Variants in SLC35F1 observed in about 807,000 individuals in gnomAD.
SLC35F1 encodes solute carrier family 35 member F1.
SLC35F1 carries 14 observed loss-of-function variants against 48.7 expected under a neutral mutation model. The ratio of observed to expected loss-of-function variants is 0.29; its 90% CI spans 0.19 to 0.45. The LOEUF is 0.45. Among genes scored for constraint, SLC35F1 ranks in the 20% least tolerant of loss-of-function variants. SLC35F1 has a pLI of 1.00. For synonymous variants in SLC35F1, 190 were observed against 202.2 expected (o/e 0.94, Z 0.51); for missense variants, 404 against 500.0 (o/e 0.81, Z 1.83).
At chr6:118,208,782 C>T (rs1021232662) in intron 2 of SLC35F1, among the ~76,000 whole-genome samples, 3 of 152,130 alleles carry the variant, frequency 2.0e-5, no homozygotes, top group Non-Finnish European at 4.4e-5. Flanking sequence ...GGCGCTGTGG[C>T]ATGCTGAGTA....
intron 1 of SLC35F1, among the ~76,000 whole-genome samples, chr6:118,117,783 C>T (rs926852880): frequency 3.3e-5 from 5 of 152,250 alleles, no homozygotes; most frequent in African/African-American, 1.2e-4. Context: ...CTGCATCTGT[C>T]ACTATAGTTT....
intron 1 of SLC35F1, among the ~76,000 whole-genome samples, chr6:118,143,646 T>G (rs74806547): frequency 0.028 from 4,295 of 152,302 alleles, 209 homozygotes; most frequent in African/African-American, 0.098. Context: ...AGTTTTTTTC[T>G]AAATGTATCA....
intron 7 of SLC35F1, among the ~76,000 whole-genome samples, chr6:118,286,024 C>T (rs978734487): frequency 1.3e-5 from 2 of 152,176 alleles, no homozygotes; most frequent in African/African-American, 4.8e-5. Context: ...TCCTACTCCT[C>T]TTAACACCAC....
intron 2 of SLC35F1, among the ~76,000 whole-genome samples, chr6:118,192,524 G>A (rs1012651765): frequency 2.0e-5 from 3 of 152,092 alleles, no homozygotes; most frequent in Non-Finnish European, 4.4e-5. Context: ...TTAGCATTAA[G>A]CAGTTAACTG....
At chr6:117,950,383 C>T (rs912068456) in intron 1 of SLC35F1, among the ~76,000 whole-genome samples, 1 of 152,150 alleles carries the variant, frequency 6.6e-6, no homozygotes. Flanking sequence ...GGCTGGACTC[C>T]AGAGACACAG....
At chr6:118,270,316 G>A (rs1375060577) in intron 4 of SLC35F1, among the ~76,000 whole-genome samples, 1 of 152,108 alleles carries the variant, frequency 6.6e-6, no homozygotes, top group Non-Finnish European at 1.5e-5. Context: ...TTCTTAGATG[G>A]CATTAAGTAC....
chr6:118,102,584 T>A (rs1053041799), intron 1 of SLC35F1, among the ~76,000 whole-genome samples: 18 of 152,242 alleles, frequency 1.2e-4, no homozygotes, highest in Admixed American at 2.0e-4. Flanking sequence ...TGTCTGTGGA[T>A]GCTAAGTGAC....
intron 1 of SLC35F1, among the ~76,000 whole-genome samples, chr6:118,001,689 A>G (rs9481756): frequency 0.99 from 151,107 of 152,010 alleles, 75,109 homozygotes; most frequent in Middle Eastern, 1. Context: ...GAAAATTTTC[A>G]CATCCTACTT....
intron 1 of SLC35F1, among the ~76,000 whole-genome samples, chr6:117,966,131 G>GGCCC (rs1184701438): frequency 9.9e-6 from 1 of 101,102 alleles, no homozygotes. Flanking sequence ...GCAGGCCACC[G>GGCCC]CCCCCCCCCC....
chr6:118,099,612 A>G (rs1773228445), intron 1 of SLC35F1, among the ~76,000 whole-genome samples: 1 of 152,066 alleles, frequency 6.6e-6, no homozygotes, highest in Non-Finnish European at 1.5e-5. Context: ...CTCTCATCTA[A>G]ATAGAGTCAG....
intron 1 of SLC35F1, among the ~76,000 whole-genome samples, chr6:117,980,890 T>C (rs1021685517): frequency 6.6e-6 from 1 of 152,056 alleles, no homozygotes; most frequent in African/African-American, 2.4e-5. Context: ...ATGTTTAGAG[T>C]TATCCTGTGG....
chr6:118,194,057 A>G (rs940525243), intron 2 of SLC35F1, among the ~76,000 whole-genome samples: 2 of 152,208 alleles, frequency 1.3e-5, no homozygotes, highest in African/African-American at 4.8e-5. Context: ...GCTCTTTTAT[A>G]TGAACATCAC....
chr6:118,277,929 AG>A (rs966763132), intron 6 of SLC35F1, among the ~76,000 whole-genome samples: 6 of 152,230 alleles, frequency 3.9e-5, no homozygotes, highest in African/African-American at 1.4e-4. Flanking sequence ...ACTTTAGTAA[AG>A]GGAAAAAAAC....
intron 1 of SLC35F1, among the ~76,000 whole-genome samples, chr6:117,932,708 A>G (rs1776118077): frequency 6.6e-6 from 1 of 152,234 alleles, no homozygotes; most frequent in Non-Finnish European, 1.5e-5. Flanking sequence ...TTTTCAGGAA[A>G]TGAAAACACC....
rs1378409986 is a variant in SLC35F1 at position 118,088,171 on chromosome 6, T to A, written c.174-66274T>A. ...TTAAACTGCGTATCTTTTTATATAT[T>A]TTTCGTGGTGATCTCACACAAAGAA... On this transcript the variant is annotated intron_variant, in intron 1 of 7. Coordinates refer to ENST00000360388, the MANE Select transcript of SLC35F1 (RefSeq NM_001029858.4). 2.0e-5 allele frequency among the ~76,000 whole-genome samples: 3 copies of A among 152,224 alleles called. No homozygotes were observed. In the East Asian group the frequency reaches 5.8e-4, roughly 29 times the overall value.
intron 1 of SLC35F1, among the ~76,000 whole-genome samples, chr6:118,007,042 T>TA (rs1175113921): frequency 5.3e-5 from 8 of 149,854 alleles, no homozygotes; most frequent in Admixed American, 1.3e-4. Flanking sequence ...TTTTTTTTTT[T>TA]ACCACTGTCT....
intron 2 of SLC35F1, among the ~76,000 whole-genome samples, chr6:118,176,201 G>C (rs1019821255): frequency 4.6e-5 from 7 of 151,994 alleles, no homozygotes; most frequent in African/African-American, 1.2e-4. Context: ...ATGTTTAGAG[G>C]CACACCCCAC....
intron 1 of SLC35F1, among the ~76,000 whole-genome samples, chr6:117,950,016 T>C (rs1776342958): frequency 6.6e-6 from 1 of 152,214 alleles, no homozygotes; most frequent in African/African-American, 2.4e-5. Flanking sequence ...TGTAGCTTTT[T>C]ACTCTGTGTT....
chr6:118,312,629 C>A (rs893809986), intron 7 of SLC35F1, among the ~76,000 whole-genome samples: 12 of 152,026 alleles, frequency 7.9e-5, no homozygotes, highest in African/African-American at 2.9e-4. Context: ...ATCAGAAAAG[C>A]ATCTTTAGTC....
Sources: allele counts gnomAD v4.1 joint callset (sites outside exome capture counted in the v4.1 genomes callset), GRCh38; gene constraint gnomAD v4.1.1; transcripts MANE v1.5; gene names NCBI Gene and HGNC (gene_info 2026-07-23, HGNC 2026-07-21).